FRRS1: variants seen among roughly 807,000 people sequenced by gnomAD.
FRRS1 encodes ferric reductase 1.
A neutral mutation model predicts 70.7 loss-of-function variants in FRRS1; 51 were observed. That is an observed-to-expected ratio of 0.72 (90% CI 0.58 to 0.91). The LOEUF is 0.91. FRRS1 is among the 40% of genes least tolerant of loss of function. The pLI is 0.00. For missense variants in FRRS1, 672 were observed against 726.0 expected, an observed-to-expected ratio of 0.93 and a Z score of 0.86; for synonymous variants, 225 against 238.7, an observed-to-expected ratio of 0.94 and a Z score of 0.53.
intron 1 of FRRS1, among the ~76,000 whole-genome samples, chr1:99,766,281 TA>T (rs1386422921): frequency 6.6e-6 from 1 of 151,680 alleles, no homozygotes; most frequent in Non-Finnish European, 1.5e-5. Context: ...GTTTTAAATT[TA>T]AAATTAAAAA....
intron 11 of FRRS1, among the ~76,000 whole-genome samples, chr1:99,716,928 G>A (rs1429778208): frequency 6.6e-6 from 1 of 152,156 alleles, no homozygotes; most frequent in African/African-American, 2.4e-5. Flanking sequence ...ACCCATACAG[G>A]AGATAGATGA....
intron 4 of FRRS1, 75 bp from the exon 5 acceptor site, chr1:99,742,348 G>A (rs574518277): frequency 9.7e-5 from 88 of 910,320 alleles, no homozygotes; most frequent in Non-Finnish European, 1.3e-4. Flanking sequence ...ATCATTTTGC[G>A]AAGTAATTTA....
intron 7 of FRRS1, among the ~76,000 whole-genome samples, chr1:99,736,765 G>GTAC (rs1655688037): frequency 2.1e-5 from 2 of 95,256 alleles, no homozygotes; most frequent in Admixed American, 1.1e-4. Context: ...AACTTAAAGT[G>GTAC]TACTAATAAT....
At chr1:99,732,711 G>T (rs564622188) in intron 7 of FRRS1, among the ~76,000 whole-genome samples, 8 of 152,172 alleles carry the variant, frequency 5.3e-5, no homozygotes, top group East Asian at 3.9e-4. Context: ...GAGCTCTAAG[G>T]CTGAAAATTC....
rs183226625 is a variant in FRRS1, at chr1:99,707,937, C to G, written c.*1091G>C. On this transcript the variant is annotated 3_prime_UTR_variant, in exon 17 of 17. Coordinates refer to ENST00000646001, the MANE Select transcript of FRRS1 (RefSeq NM_001361041.2). ...TTAGATATGTTCACAAGGGTTTTATCAATTTTGAAATCCAAGTGTATAATC... is the reference window on the plus strand; with the variant it reads ...TTAGATATGTTCACAAGGGTTTTATGAATTTTGAAATCCAAGTGTATAATC... 8.2e-4 allele frequency among the ~76,000 whole-genome samples: 125 copies of G among 152,292 alleles called. No individual in the cohort carries two copies. The highest frequency in any genetic ancestry group is 2.9e-3 in the African/African-American group (120 of 41,552).
At chr1:99,712,908 GT>G (rs199991144) in intron 12 of FRRS1, among the ~76,000 whole-genome samples, 72 of 151,952 alleles carry the variant, frequency 4.7e-4, no homozygotes, top group African/African-American at 1.6e-3. Context: ...AGTTTTTGCA[GT>G]TTTTTTTCAA....
chr1:99,756,243 T>G (rs961109483), intron 1 of FRRS1, among the ~76,000 whole-genome samples: 1 of 152,154 alleles, frequency 6.6e-6, no homozygotes, highest in African/African-American at 2.4e-5. Context: ...CAAAAAAGAT[T>G]TATTTTGTCC....
intron 6 of FRRS1, among the ~76,000 whole-genome samples, chr1:99,739,702 C>G (rs1269010184): frequency 6.6e-6 from 1 of 152,160 alleles, no homozygotes; most frequent in African/African-American, 2.4e-5. Flanking sequence ...AGAAAACTTA[C>G]ATTCATTATT....
chr1:99,750,825 A>G (rs777641433), intron 1 of FRRS1, among the ~76,000 whole-genome samples: 10 of 152,202 alleles, frequency 6.6e-5, no homozygotes, highest in Admixed American at 1.3e-4. Context: ...ATTTCCCCCA[A>G]ACTATTATCA....
intron 1 of FRRS1, among the ~76,000 whole-genome samples, chr1:99,760,259 G>A (rs188428060): frequency 2.0e-5 from 3 of 152,124 alleles, no homozygotes; most frequent in African/African-American, 7.2e-5. Context: ...GAACACTATT[G>A]GGCTTAGATA....
rs1654032488 is a variant in FRRS1 at position 99,706,207 on chromosome 1, G to A, written c.*2821C>T. On this transcript the variant is annotated 3_prime_UTR_variant, in exon 17 of 17. Transcript: ENST00000646001. ...TTCGAGATCAGCCTGGGCAACAAAG[G>A]GAGATCCCTTCTCTACCAAAAAAAA... 6.6e-6 allele frequency among the ~76,000 whole-genome samples: 1 copy of A among 150,798 alleles called. No homozygotes were observed. Among genetic ancestry groups the A allele is most frequent in the Non-Finnish European group, 1.5e-5 (1 of 67,884 alleles).
At chr1:99,764,927 TA>T (rs1161928643) in intron 1 of FRRS1, among the ~76,000 whole-genome samples, 1 of 152,240 alleles carries the variant, frequency 6.6e-6, no homozygotes, top group Non-Finnish European at 1.5e-5. Context: ...TTTTTCCTAA[TA>T]AATTTTATCA....
chr1:99,752,958 A>G (rs1217608631), intron 1 of FRRS1, among the ~76,000 whole-genome samples: 2 of 151,964 alleles, frequency 1.3e-5, no homozygotes, highest in Non-Finnish European at 2.9e-5. Context: ...CAACCCTATT[A>G]TCCCAACACT....
Position 99,728,552 on chromosome 1 carries a change from T to C in FRRS1, c.947A>G (p.Asn316Ser). 2 of 1,613,316 alleles carry C rather than the reference T, an allele frequency of 1.2e-6. No individual in the cohort carries two copies. Among genetic ancestry groups the C allele is most frequent in the Non-Finnish European group, 1.7e-6 (2 of 1,179,232 alleles). Residue 316 changes from asparagine to serine, a missense_variant, in exon 9 of 17, where the codon AAT becomes AGT. By Grantham distance (46) the Asn-to-Ser change is conservative. Transcript: ENST00000646001. ...ATAGCTTGTGTTTAGATCAAATCTATTCTTAACTCCAGGAAGGGTAATGTT... is the reference window on the plus strand; with the variant it reads ...ATAGCTTGTGTTTAGATCAAATCTACTCTTAACTCCAGGAAGGGTAATGTT... ...RRNITLPGVK[N>S]RFDLNTSYYI...
At chr1:99,716,577 C>T (rs921949153) in intron 11 of FRRS1, among the ~76,000 whole-genome samples, 6 of 152,264 alleles carry the variant, frequency 3.9e-5, no homozygotes, top group Non-Finnish European at 7.4e-5. Flanking sequence ...TCAGACTGGC[C>T]TTCCCAGGCA....
At chr1:99,760,015 T>C (rs901582560) in intron 1 of FRRS1, among the ~76,000 whole-genome samples, 1 of 152,170 alleles carries the variant, frequency 6.6e-6, no homozygotes, top group Non-Finnish European at 1.5e-5. Context: ...TGGGGAGCTA[T>C]TGGGACAAAG....
intron 1 of FRRS1, among the ~76,000 whole-genome samples, chr1:99,757,226 T>C (rs552655304): frequency 6.6e-6 from 1 of 152,270 alleles, no homozygotes; most frequent in Admixed American, 6.5e-5. Context: ...GTTTCCTATT[T>C]CTTCCTTTTT....
At position 99,708,776 on chromosome 1, in the gene FRRS1, A is replaced by G; in HGVS notation, c.*252T>C. ...TCTTGGCATGAAATATTTGAGAGTT[A>G]CTTCTCCTGAAGTACAATCTTTCCT... On this transcript the variant is annotated 3_prime_UTR_variant, in exon 17 of 17. Transcript: ENST00000646001. The G allele has an allele frequency of 1.7e-6, 1 of 599,844 alleles. No individual in the cohort carries two copies. Among genetic ancestry groups the G allele is most frequent in the Non-Finnish European group, 2.9e-6 (1 of 348,174 alleles). 37.2% of individuals were successfully genotyped at this position (599,844 alleles called of 1,614,324 possible).
Position 99,708,628 on chromosome 1 carries a change from ATATATATATAT to A in FRRS1, c.*389_*399del, listed in dbSNP as rs1654125413. On this transcript the variant is annotated 3_prime_UTR_variant, in exon 17 of 17. Transcript: ENST00000646001. ...AAAAAAAAAAAAAAAAAAAAAAAATATATATATATATATATATATATATATATATATATATC... is the reference window on the plus strand; with the variant it reads ...AAAAAAAAAAAAAAAAAAAAAAAATAATATATATATATATATATATATATC... The A allele has an allele frequency of 7.7e-4, 27 of 35,226 alleles. 1 individual carries two copies. The highest frequency in any genetic ancestry group is 2.0e-3 in the African/African-American group (19 of 9,408). 2.2% of individuals were successfully genotyped at this position (35,226 alleles called of 1,614,324 possible). A position where few individuals can be genotyped will look rare whatever the true frequency, so the allele number is the denominator to read the frequency against.
Sources: gnomAD v4.1 joint callset for allele counts (sites outside exome capture counted in the v4.1 genomes callset) on GRCh38, gnomAD v4.1.1 for gene constraint, MANE v1.5 for transcripts, NCBI Gene and HGNC (gene_info 2026-07-23, HGNC 2026-07-21) for gene names.